PAPPA: variants seen among roughly 807,000 people sequenced by gnomAD.
The protein encoded by PAPPA is pappalysin 1.
In PAPPA, 60 loss-of-function variants were observed where a neutral mutation model predicts 164.0. That is an observed-to-expected ratio of 0.37 (90% CI 0.30 to 0.45). The LOEUF is 0.45. Among genes scored for constraint, PAPPA ranks in the 20% least tolerant of loss-of-function variants. The probability of loss-of-function intolerance (pLI) is 1.00; values close to 1 mark genes in which losing one functional copy is unlikely to be tolerated. For missense variants in PAPPA, 1,782 were observed against 2,087.3 expected (o/e 0.85, Z 2.85); for synonymous variants, 875 against 814.1 (o/e 1.07, Z -1.27).
chr9:116,356,455 T>A (rs1846355114), intron 17 of PAPPA, among the ~76,000 whole-genome samples: 1 of 152,232 alleles, frequency 6.6e-6, no homozygotes, highest in Admixed American at 6.5e-5. Context: ...GTCACTCCAG[T>A]GGCGAGAATC....
chr9:116,360,302 C>T (rs1030516344), intron 17 of PAPPA, among the ~76,000 whole-genome samples: 2 of 152,168 alleles, frequency 1.3e-5, no homozygotes, highest in African/African-American at 4.8e-5. Context: ...CATGAAGCTG[C>T]GTAAGTTTGC....
intron 10 of PAPPA, among the ~76,000 whole-genome samples, chr9:116,319,066 G>A (rs1308175348): frequency 6.6e-6 from 1 of 152,212 alleles, no homozygotes; most frequent in Non-Finnish European, 1.5e-5. Flanking sequence ...TATTTTGGAG[G>A]ACTAGGTGGC....
intron 9 of PAPPA, among the ~76,000 whole-genome samples, chr9:116,274,410 C>T (rs1324035296): frequency 2.6e-5 from 4 of 152,136 alleles, no homozygotes; most frequent in Non-Finnish European, 4.4e-5. Flanking sequence ...TATCTTCCTC[C>T]GAAAGGAACA....
chr9:116,278,878 T>C (rs553376333), intron 9 of PAPPA, among the ~76,000 whole-genome samples: 8 of 152,094 alleles, frequency 5.3e-5, no homozygotes, highest in Non-Finnish European at 1.0e-4. Context: ...ATCTATAGAG[T>C]GTTTAGCACA....
At chr9:116,358,817 A>G (rs144996089) in intron 17 of PAPPA, among the ~76,000 whole-genome samples, 1 of 152,232 alleles carries the variant, frequency 6.6e-6, no homozygotes, top group Non-Finnish European at 1.5e-5. Context: ...TGACTTGGGC[A>G]CATTGCCTCC....
intron 20 of PAPPA, among the ~76,000 whole-genome samples, chr9:116,381,014 C>A (rs1846723523): frequency 6.6e-6 from 1 of 152,158 alleles, no homozygotes; most frequent in African/African-American, 2.4e-5. Flanking sequence ...TTAGAGACCC[C>A]AACCAGCACT....
chr9:116,375,672 C>G (rs561549499), intron 19 of PAPPA, among the ~76,000 whole-genome samples: 216 of 152,312 alleles, frequency 1.4e-3, no homozygotes, highest in Non-Finnish European at 2.0e-3. Context: ...CCAATCCAGT[C>G]TTGGGGTCAC....
chr9:116,390,035 C>T (rs1463729814), intron 21 of PAPPA, among the ~76,000 whole-genome samples: 1 of 152,102 alleles, frequency 6.6e-6, no homozygotes, highest in Non-Finnish European at 1.5e-5. Context: ...CAAATAAATA[C>T]TTTTTGCATG....
chr9:116,261,791 C>T (rs1427864669), intron 7 of PAPPA, among the ~76,000 whole-genome samples: 1 of 152,082 alleles, frequency 6.6e-6, no homozygotes, highest in Non-Finnish European at 1.5e-5. Flanking sequence ...ACCAGAAATG[C>T]CAGCATTTTT....
At chr9:116,383,402 A>G (rs1055266727) in intron 21 of PAPPA, among the ~76,000 whole-genome samples, 12 of 152,214 alleles carry the variant, frequency 7.9e-5, no homozygotes, top group Admixed American at 2.0e-4. Context: ...AGACAGGAAA[A>G]GCAAAGAATC....
intron 7 of PAPPA, among the ~76,000 whole-genome samples, chr9:116,237,631 C>T (rs1017953281): frequency 6.6e-6 from 1 of 152,078 alleles, no homozygotes; most frequent in Admixed American, 6.5e-5. Flanking sequence ...CTGGCTCTAC[C>T]CTCTTAGGTG....
chr9:116,391,380 C>A (rs1190089438), intron 21 of PAPPA, among the ~76,000 whole-genome samples: 1 of 152,124 alleles, frequency 6.6e-6, no homozygotes, highest in Non-Finnish European at 1.5e-5. Flanking sequence ...AGTGATGTGG[C>A]CCCCCACAGC....
Position 116,154,531 on chromosome 9 carries a change from C to T in PAPPA, c.359C>T (p.Thr120Met). The T allele has an allele frequency of 7.1e-7, 1 of 1,402,580 alleles. No individual in the cohort carries two copies. The highest frequency in any genetic ancestry group is 9.3e-7 in the Non-Finnish European group (1 of 1,076,286). The allele number at this position is 1,402,580 out of a possible 1,614,324, so 86.9% of individuals were successfully genotyped here. A position where few individuals can be genotyped will look rare whatever the true frequency, so the allele number is the denominator to read the frequency against. The change falls in exon 1 of 22, where the codon ACG becomes ATG. Residue 120 changes from threonine (T) to methionine (M), a missense_variant. Transcript: ENST00000328252. This position sits in a 1 kb window ranked among gnomAD's most constrained non-coding sequence, Gnocchi z 5.2. ...CTCGAGCTGCCCCGGGACGCGTTCA[C>T]GCTGCAAGTGTGGCTGCGAGCGGAG... ...ADLELPRDAF[T>M]LQVWLRAEGG...
At chr9:116,284,879 C>T (rs1398327313) in intron 9 of PAPPA, among the ~76,000 whole-genome samples, 1 of 152,074 alleles carries the variant, frequency 6.6e-6, no homozygotes, top group Non-Finnish European at 1.5e-5. Flanking sequence ...TACCTGAGGC[C>T]CTCTTCAGCT....
chr9:116,397,254 A>G lies in PAPPA; in HGVS notation c.*638A>G, dbSNP rs1846977030. On this transcript the variant is annotated 3_prime_UTR_variant, in exon 22 of 22. Coordinates refer to ENST00000328252, the MANE Select transcript of PAPPA (RefSeq NM_002581.5). Reference sequence around the variant, plus strand: ...TAGGACCTAGGAAGAGGTAAAGATTATCAGGTATGCAAAGCGCCCCAATTC... The same window carrying G: ...TAGGACCTAGGAAGAGGTAAAGATTGTCAGGTATGCAAAGCGCCCCAATTC... 6.5e-6 allele frequency: 1 copy of G among 152,674 alleles called. No homozygotes were observed. The highest frequency in any genetic ancestry group is 6.5e-5 in the Admixed American group (1 of 15,278). The allele number at this position is 152,674 out of a possible 1,614,324, so 9.5% of individuals were successfully genotyped here.
chr9:116,320,938 G>T (rs1032713760), intron 10 of PAPPA, among the ~76,000 whole-genome samples: 4 of 152,144 alleles, frequency 2.6e-5, no homozygotes, highest in Non-Finnish European at 4.4e-5. Flanking sequence ...AGTGGGAGAG[G>T]CCCTGAACCT....
chr9:116,252,147 C>G (rs139425509), intron 7 of PAPPA, among the ~76,000 whole-genome samples: 22 of 152,282 alleles, frequency 1.4e-4, no homozygotes, highest in African/African-American at 4.8e-4. Flanking sequence ...ACAATTATAT[C>G]AAAGATTGCT....
intron 7 of PAPPA, among the ~76,000 whole-genome samples, chr9:116,260,214 T>C (rs1226360564): frequency 1.3e-5 from 2 of 152,222 alleles, no homozygotes; most frequent in Non-Finnish European, 1.5e-5. Flanking sequence ...TATTTATTCC[T>C]TTCACACCAA....
chr9:116,332,229 A>G, intron 11 of PAPPA, 104 bp from the exon 12 acceptor site: 2 of 928,622 alleles, frequency 2.2e-6, no homozygotes, highest in Non-Finnish European at 3.4e-6. Flanking sequence ...GTAGTAGCCC[A>G]GTTCTTAAAA....
Sources: allele counts gnomAD v4.1 joint callset (sites outside exome capture counted in the v4.1 genomes callset), GRCh38; gene constraint gnomAD v4.1.1; non-coding constraint Gnocchi (gnomAD v3.1); transcripts MANE v1.5; gene names NCBI Gene and HGNC (gene_info 2026-07-23, HGNC 2026-07-21).